Variants in MTHFS observed in about 807,000 individuals in gnomAD.
The protein encoded by MTHFS is 5-formyltetrahydrofolate cyclo-ligase.
MTHFS carries 7 observed loss-of-function variants against 12.7 expected under a neutral mutation model. That is an observed-to-expected ratio of 0.55 (90% CI 0.31 to 1.03). The LOEUF is 1.03. Among genes scored for constraint, MTHFS ranks in the 50% least tolerant of loss-of-function variants. The pLI, the probability that MTHFS is intolerant of heterozygous loss-of-function variation, is 0.05. For missense variants in MTHFS, 252 were observed against 258.1 expected (o/e 0.98, Z 0.16); for synonymous variants, 100 against 97.1 (o/e 1.03, Z -0.18).
chr15:79,885,612 C>A (rs760153902), intron 2 of MTHFS, among the ~76,000 whole-genome samples: 1 of 152,206 alleles, frequency 6.6e-6, no homozygotes, highest in Non-Finnish European at 1.5e-5. Flanking sequence ...GGGACAGGCA[C>A]GTAAGACCCA....
chr15:79,895,429 T>C (rs1189926853), intron 1 of MTHFS, among the ~76,000 whole-genome samples: 1 of 152,258 alleles, frequency 6.6e-6, no homozygotes. Flanking sequence ...TCTTTATTCA[T>C]GTCTGTTTCC....
At chr15:79,873,990 G>A (rs1167258180) in intron 2 of MTHFS, among the ~76,000 whole-genome samples, 3 of 152,204 alleles carry the variant, frequency 2.0e-5, no homozygotes, top group Non-Finnish European at 4.4e-5. Flanking sequence ...ATCTGAGAGA[G>A]CTTGGCAGAG....
intron 2 of MTHFS, among the ~76,000 whole-genome samples, chr15:79,860,630 A>G (rs1037507403): frequency 6.6e-6 from 1 of 151,680 alleles, no homozygotes; most frequent in Non-Finnish European, 1.5e-5. Context: ...GTGTATTTTA[A>G]CCATTATAAC....
intron 2 of MTHFS, among the ~76,000 whole-genome samples, chr15:79,879,507 A>G (rs758830718): frequency 1.3e-5 from 2 of 151,162 alleles, no homozygotes; most frequent in Admixed American, 6.6e-5. Flanking sequence ...TTTTTCCTTA[A>G]AATTTGTGAA....
chr15:79,873,827 C>T (rs2034144885), intron 2 of MTHFS, among the ~76,000 whole-genome samples: 1 of 152,190 alleles, frequency 6.6e-6, no homozygotes, highest in African/African-American at 2.4e-5. Flanking sequence ...GGAAAAATTA[C>T]AGCTTTACTT....
chr15:79,864,854 G>A (rs1210263999), intron 2 of MTHFS, among the ~76,000 whole-genome samples: 2 of 152,140 alleles, frequency 1.3e-5, no homozygotes, highest in East Asian at 1.9e-4. Context: ...ATTTTCATTT[G>A]CCTAATTCTG....
At chr15:79,847,019 C>A (rs60965104) in intron 2 of MTHFS, among the ~76,000 whole-genome samples, 2 of 152,260 alleles carry the variant, frequency 1.3e-5, no homozygotes, top group East Asian at 3.9e-4. Flanking sequence ...TTCCAATGCA[C>A]GGCAGCAGTC....
Position 79,896,904 on chromosome 15 carries a change from G to T in MTHFS, c.85C>A (p.Arg29=). Reference sequence around the variant, plus strand: ...CTCAGTACGCGGGACTGGCGTAGCCGCTCCTCGGCACTCATCGCCCGCAGA... The same window carrying T: ...CTCAGTACGCGGGACTGGCGTAGCCTCTCCTCGGCACTCATCGCCCGCAGA... ...QRLRAMSAEE[R]LRQSRVLSQK... Residue 29 remains arginine (R), a synonymous_variant, in exon 1 of 3, where the codon CGG becomes AGG. Coordinates refer to ENST00000258874, the MANE Select transcript of MTHFS (RefSeq NM_006441.4). 9 of 1,542,754 alleles carry T rather than the reference G, an allele frequency of 5.8e-6. No individual in the cohort carries two copies. The highest frequency in any genetic ancestry group is 7.9e-6 in the Non-Finnish European group (9 of 1,146,292).
rs185547630 is a variant in MTHFS at position 79,873,880 on chromosome 15, T to C, written c.379+15213A>G. Among the ~76,000 whole-genome samples the C allele has an allele frequency of 1.8e-3, 275 of 152,336 alleles. 3 individuals are homozygous for C. Among genetic ancestry groups the C allele is most frequent in the Admixed American group, 0.015 (231 of 15,300 alleles). ...AGTTGGTGTAAGAGCATAATGGGAA[T>C]GTAATGTGGCTATACTAAAATAAGA... On this transcript the variant is annotated intron_variant, in intron 2 of 2. Coordinates refer to ENST00000258874, the MANE Select transcript of MTHFS (RefSeq NM_006441.4).
At chr15:79,859,256 T>C (rs2033866819) in intron 2 of MTHFS, among the ~76,000 whole-genome samples, 1 of 152,234 alleles carries the variant, frequency 6.6e-6, no homozygotes, top group Non-Finnish European at 1.5e-5. Flanking sequence ...AAATTTAGAA[T>C]AGTCAGCTAA....
In MTHFS at chr15:79,847,045, A is replaced by C. The variant is rs535366985; in HGVS notation, c.380-1603T>G. Reference sequence around the variant, plus strand: ...GGCAGCAGTCTCTGCCAAATGCCCCAAAAGCAACAGGGACAAATACTAGAG... The same window carrying C: ...GGCAGCAGTCTCTGCCAAATGCCCCCAAAGCAACAGGGACAAATACTAGAG... On this transcript the variant is annotated intron_variant, in intron 2 of 2. Coordinates refer to ENST00000258874, the MANE Select transcript of MTHFS (RefSeq NM_006441.4). Among the ~76,000 whole-genome samples, 39 of 152,362 alleles carry C rather than the reference A, an allele frequency of 2.6e-4. 1 individual carries two copies. Among genetic ancestry groups the C allele is most frequent in the African/African-American group, 9.1e-4 (38 of 41,584 alleles).
chr15:79,866,471 C>T (rs1035517223), intron 2 of MTHFS, among the ~76,000 whole-genome samples: 4 of 152,024 alleles, frequency 2.6e-5, no homozygotes, highest in African/African-American at 9.7e-5. Flanking sequence ...TGGGCACAAC[C>T]CCCAAATAAA....
chr15:79,880,340 GA>G (rs1054761067), intron 2 of MTHFS, among the ~76,000 whole-genome samples: 1 of 151,948 alleles, frequency 6.6e-6, no homozygotes, highest in Non-Finnish European at 1.5e-5. Flanking sequence ...TCAGCCTCCT[GA>G]AGTGCTGGGA....
At chr15:79,893,271 C>T (rs2034506319) in intron 1 of MTHFS, among the ~76,000 whole-genome samples, 1 of 151,832 alleles carries the variant, frequency 6.6e-6, no homozygotes, top group Admixed American at 6.6e-5. Context: ...GGCGTGGCGG[C>T]AGGCGCCTGT....
chr15:79,864,701 T>G (rs984088417), intron 2 of MTHFS, among the ~76,000 whole-genome samples: 4 of 152,064 alleles, frequency 2.6e-5, no homozygotes, highest in Non-Finnish European at 4.4e-5. Context: ...TATGACAAGT[T>G]AGTACCCCCT....
At chr15:79,893,171 G>A (rs534714329) in intron 1 of MTHFS, among the ~76,000 whole-genome samples, 2 of 152,094 alleles carry the variant, frequency 1.3e-5, no homozygotes, top group African/African-American at 4.8e-5. Context: ...TTGGCAGGCC[G>A]AGGCAGGTGG....
intron 2 of MTHFS, among the ~76,000 whole-genome samples, chr15:79,865,991 C>T (rs78698171): frequency 0.018 from 2,694 of 152,106 alleles, 104 homozygotes; most frequent in African/African-American, 0.061. Context: ...CAAACCTAAA[C>T]CTCTTTAAGG....
chr15:79,878,557 G>A lies in MTHFS; in HGVS notation c.379+10536C>T, dbSNP rs986649437. 2.7e-5 allele frequency among the ~76,000 whole-genome samples: 4 copies of A among 149,332 alleles called. No individual in the cohort carries two copies. The East Asian group carries it at 7.8e-4, about 29-fold the overall frequency. On this transcript the variant is annotated intron_variant, in intron 2 of 2. Transcript: ENST00000258874. ...AGGCTTATTCCATGGCCTTCACTAT[G>A]GTGCCCAGGTGGCCGTATCTCAGGC... is the stretch of plus-strand genomic sequence containing the variant.
intron 1 of MTHFS, among the ~76,000 whole-genome samples, chr15:79,890,648 A>C (rs2034458433): frequency 6.6e-6 from 1 of 152,180 alleles, no homozygotes; most frequent in South Asian, 2.1e-4. Flanking sequence ...ATATAATTGT[A>C]AGCCATAAAA....
Sources: gnomAD v4.1 joint callset for allele counts (sites outside exome capture counted in the v4.1 genomes callset) on GRCh38, gnomAD v4.1.1 for gene constraint, MANE v1.5 for transcripts, NCBI Gene and HGNC (gene_info 2026-07-23, HGNC 2026-07-21) for gene names.